The following ZP2 variants were observed in gnomAD, a reference collection of about 807,000 sequenced individuals.
ZP2 encodes zona pellucida sperm-binding protein 2.
A neutral mutation model predicts 84.0 loss-of-function variants in ZP2; 51 were observed. That is an observed-to-expected ratio of 0.61 (90% confidence interval 0.49 to 0.77). The LOEUF (loss-of-function observed/expected upper bound fraction) is 0.77, where lower values mean the gene tolerates loss of function less well. Ranked by LOEUF, ZP2 falls within the 30% of genes least tolerant of loss-of-function variation. The pLI is 0.00. For missense variants in ZP2, 909 were observed against 911.9 expected, an observed-to-expected ratio of 1.00 and a Z score of 0.04; for synonymous variants, 375 against 330.9, an observed-to-expected ratio of 1.13 and a Z score of -1.45.
In ZP2 at chr16:21,197,540, C is replaced by A; in HGVS notation, c.2178G>T (p.Val726=). The change falls in exon 19 of 19, where the codon GTG becomes GTT. Residue 726 remains valine, a synonymous_variant. Transcript: ENST00000574091. ...AGTAGATGAAGCCTAGAGTTGCCAC[C>A]ACACCTGCAAAGGCAGCCACAGCAG... ...AVAAVAAFAG[V]VATLGFIYYL... 6.2e-7 allele frequency: 1 copy of A among 1,614,174 alleles called. No homozygotes were observed. Among genetic ancestry groups the A allele is most frequent in the East Asian group, 2.2e-5 (1 of 44,894 alleles).
rs1378924015 is a variant in ZP2, at chr16:21,204,162, A to C, written c.840T>G (p.Phe280Leu). ...ATHMTLTIPE[F>L]PGKLKSVSFE... ...AGCTCACAGACTTAAGCTTCCCAGG[A>C]AACTCTGGTATGGTGAGAGTCATGT... The change falls in exon 9 of 19, where the codon TTT becomes TTG. Residue 280 changes from phenylalanine to leucine, a missense_variant. Transcript: ENST00000574091. The C allele has an allele frequency of 2.5e-6, 4 of 1,614,192 alleles. No individual in the cohort carries two copies. The Admixed American group carries it at 5.0e-5, about 20-fold the overall frequency.
upstream of ZP2, among the ~76,000 whole-genome samples, chr16:21,212,723 G>A (rs1192348893): frequency 6.6e-6 from 1 of 152,132 alleles, no homozygotes; most frequent in Non-Finnish European, 1.5e-5. Context: ...ATTCCTCAAA[G>A]TAAAACTTCT....
chr16:21,205,798 T>C, intron 5 of ZP2, 23 bp from the exon 6 acceptor site: 1 of 1,613,292 alleles, frequency 6.2e-7, no homozygotes, highest in East Asian at 2.2e-5. Flanking sequence ...AATTGTGATG[T>C]AAGACTTTGA....
chr16:21,200,654 T>C (rs1387518524), intron 14 of ZP2, among the ~76,000 whole-genome samples: 2 of 152,220 alleles, frequency 1.3e-5, no homozygotes, highest in East Asian at 3.8e-4. Context: ...CAGATGGATA[T>C]TCTAATACAA....
At chr16:21,210,855 G>A (rs1219470136) in intron 2 of ZP2, among the ~76,000 whole-genome samples, 5 of 150,856 alleles carry the variant, frequency 3.3e-5, no homozygotes, top group African/African-American at 9.7e-5. Context: ...GATTACAGGC[G>A]TGAGCCCCGG....
At chr16:21,201,611 T>C in intron 13 of ZP2, 53 bp from the exon 14 acceptor site, 1 of 1,604,964 alleles carries the variant, frequency 6.2e-7, no homozygotes, top group Non-Finnish European at 8.5e-7. Flanking sequence ...GATTCATAGG[T>C]CATCACTGCT....
At chr16:21,206,576 C>G (rs1012413126) in intron 5 of ZP2, among the ~76,000 whole-genome samples, 4 of 151,802 alleles carry the variant, frequency 2.6e-5, no homozygotes, top group Non-Finnish European at 4.4e-5. Flanking sequence ...ACCAATAAAA[C>G]CCTATTGCCA....
In ZP2 at chr16:21,199,832, C is replaced by T. The variant is rs140925075; in HGVS notation, c.1741G>A (p.Gly581Ser). The change falls in exon 15 of 19, where the codon GGC (glycine) becomes AGC (serine). Residue 581 changes from glycine (G) to serine (S), a missense_variant. Gly to Ser is a moderately conservative substitution (Grantham distance 56, BLOSUM62 0). Transcript: ENST00000574091. ...DNYQTTFHPV[G>S]SSVTHPDHYQ... ...TGATCAGGATGGGTCACAGAGGAGC[C>T]GACTGGATGGAAGGTGGTCTGGTAG... 2.4e-5 allele frequency: 38 copies of T among 1,613,180 alleles called. No individual in the cohort carries two copies. The highest frequency in any genetic ancestry group is 1.1e-4 in the African/African-American group (8 of 74,890).
At chr16:21,205,350 T>G in intron 7 of ZP2, 70 bp downstream of exon 7, 1,949 of 1,520,446 alleles carry the variant, frequency 1.3e-3, no homozygotes, top group Non-Finnish European at 1.6e-3. Context: ...AAGACATGGT[T>G]GAGATCATGC....
Position 21,204,392 on chromosome 16 carries a change from G to T in ZP2, c.706C>A (p.His236Asn). ...GVTHYVQGNSHLYMVSLKLTF... is the reference protein window; with the variant it reads ...GVTHYVQGNSNLYMVSLKLTF... Reference sequence around the variant, plus strand: ...AGCTTCAGAGACACCATGTAGAGATGACTGTTACCTTGCTAGGGGGAGAAA... The same window carrying T: ...AGCTTCAGAGACACCATGTAGAGATTACTGTTACCTTGCTAGGGGGAGAAA... The change falls in exon 8 of 19, where the codon CAT becomes AAT. Residue 236 changes from histidine (H) to asparagine (N), a missense_variant. His to Asn is a moderately conservative substitution (Grantham distance 68). Transcript: ENST00000574091. 1 of 1,613,520 alleles carries T rather than the reference G, an allele frequency of 6.2e-7. No individual in the cohort carries two copies. The highest frequency in any genetic ancestry group is 1.1e-5 in the South Asian group (1 of 90,946).
chr16:21,214,408 A>G (rs900545715), upstream of ZP2: 26 of 322,926 alleles, frequency 8.1e-5, no homozygotes, highest in Non-Finnish European at 1.2e-4. Context: ...GGAGGTAGGA[A>G]AAACTAAAGT....
intron 7 of ZP2, 71 bp downstream of exon 7, chr16:21,205,349 T>G (rs11643181): frequency 1.9e-6 from 3 of 1,545,976 alleles, no homozygotes; most frequent in Non-Finnish European, 2.7e-6. Context: ...GAAGACATGG[T>G]TGAGATCATG....
chr16:21,206,314 C>T (rs190651901), intron 5 of ZP2, among the ~76,000 whole-genome samples: 32 of 152,276 alleles, frequency 2.1e-4, no homozygotes, highest in Non-Finnish European at 2.9e-4. Context: ...TGTTCTTAAA[C>T]GTTTGCCCTT....
intron 14 of ZP2, 105 bp from the exon 15 acceptor site, chr16:21,199,983 A>G: frequency 7.0e-7 from 1 of 1,421,796 alleles, no homozygotes; most frequent in Non-Finnish European, 9.7e-7. Flanking sequence ...AACTATTGCC[A>G]TATTTACCTT....
rs554110823 is a variant in ZP2, at chr16:21,203,293, G to A, written c.973-42C>T. On this transcript the variant is annotated intron_variant, in intron 9 of 18. Transcript: ENST00000574091. ...TCAATTAGCAGCCACAGTCCGTTGGGGCCCGGAACCGTCACAGGGAGGCAG... is the reference window on the plus strand; with the variant it reads ...TCAATTAGCAGCCACAGTCCGTTGGAGCCCGGAACCGTCACAGGGAGGCAG... The A allele has an allele frequency of 3.4e-5, 54 of 1,607,888 alleles. No homozygotes were observed. In the South Asian group the frequency reaches 5.3e-4, roughly 16 times the overall value.
chr16:21,199,552 G>C lies in ZP2; in HGVS notation c.1927+18C>G, dbSNP rs755573126. The C allele has an allele frequency of 3.9e-6, 6 of 1,554,950 alleles. No individual in the cohort carries two copies. The East Asian group carries it at 1.4e-4, about 35-fold the overall frequency. Reference sequence around the variant, plus strand: ...GCTTTGAATTAGACTCACAGAAACAGGAATTTGAAGTTTTTACCTCGCCTG... The same window carrying C: ...GCTTTGAATTAGACTCACAGAAACACGAATTTGAAGTTTTTACCTCGCCTG... On this transcript the variant is annotated intron_variant, in intron 16 of 18. Transcript: ENST00000574091.
chr16:21,207,054 C>A lies in ZP2; in HGVS notation c.331-64G>T, dbSNP rs141296547. ...GTACCCCCATGGGATTCTAGAATACCATCTGACCCATCTGAGTGGGAAAAC... is the reference window on the plus strand; with the variant it reads ...GTACCCCCATGGGATTCTAGAATACAATCTGACCCATCTGAGTGGGAAAAC... On this transcript the variant is annotated intron_variant, in intron 4 of 18. Transcript: ENST00000574091. The A allele has an allele frequency of 9.8e-3, 15,574 of 1,583,504 alleles. 91 individuals carry two copies. The highest frequency in any genetic ancestry group is 0.012 in the Non-Finnish European group (13,395 of 1,158,848).
intron 3 of ZP2, 167 bp from the exon 4 acceptor site, chr16:21,209,892 A>G (rs536740775): frequency 2.8e-6 from 2 of 717,662 alleles, no homozygotes; most frequent in Admixed American, 5.0e-5. Context: ...ACTTGCAGCC[A>G]GAGGCTTCCC....
At chr16:21,208,797 G>A (rs2093261415) in intron 4 of ZP2, among the ~76,000 whole-genome samples, 1 of 152,158 alleles carries the variant, frequency 6.6e-6, no homozygotes, top group African/African-American at 2.4e-5. Context: ...ATCACTTGTT[G>A]TATCCAGGTT....
Sources: allele counts gnomAD v4.1 joint callset (sites outside exome capture counted in the v4.1 genomes callset), GRCh38; gene constraint gnomAD v4.1.1; transcripts MANE v1.5; gene names NCBI Gene and HGNC (gene_info 2026-07-23, HGNC 2026-07-21).